LARP4B: variants seen among roughly 807,000 people sequenced by gnomAD.
LARP4B encodes la-related protein 4B.
LARP4B carries 12 observed loss-of-function variants against 89.8 expected under a neutral mutation model. The observed-to-expected ratio is 0.13, with a 90% CI of 0.09 to 0.22. The LOEUF is 0.22. Among genes scored for constraint, LARP4B ranks in the 10% least tolerant of loss-of-function variants. The pLI is 1.00. For missense variants in LARP4B, 757 were observed against 947.7 expected (o/e 0.80, Z 2.64); for synonymous variants, 367 against 363.3 (o/e 1.01, Z -0.12).
rs2131592021 is a variant in LARP4B, at chr10:814,161, T to C, written c.1929+581A>G. 6.6e-6 allele frequency among the ~76,000 whole-genome samples: 1 copy of C among 151,694 alleles called. No individual in the cohort carries two copies. Among genetic ancestry groups the C allele is most frequent in the Non-Finnish European group, 1.5e-5 (1 of 67,996 alleles). ...TTAATTTTAACCTATAAAAAATCCT[T>C]TTTTAGACTCAGCCCAGGGGACAGT... is the stretch of plus-strand genomic sequence containing the variant. On this transcript the variant is annotated intron_variant, in intron 17 of 17. Transcript: ENST00000316157. The surrounding 1 kb of genome is among the most constrained non-coding windows in gnomAD (Gnocchi z 4.4).
chr10:982,956 T>C, the LARP4B span, among the ~76,000 whole-genome samples: 39 of 152,336 alleles, frequency 2.6e-4, no homozygotes, highest in South Asian at 7.9e-3. Context: ...TACTGATGCT[T>C]TAATGGAGTT....
chr10:857,095 G>A (rs149992298), intron 5 of LARP4B, among the ~76,000 whole-genome samples: 14 of 152,176 alleles, frequency 9.2e-5, no homozygotes, highest in East Asian at 3.9e-4. Flanking sequence ...CACCCAGCAC[G>A]TCACAGCTGG....
At chr10:981,104 C>T in the LARP4B span, among the ~76,000 whole-genome samples, 11 of 152,242 alleles carry the variant, frequency 7.2e-5, no homozygotes, top group South Asian at 2.1e-4. Flanking sequence ...CCCCAGGGCA[C>T]GACTAGAATG....
chr10:954,128 C>T, the LARP4B span, among the ~76,000 whole-genome samples: 1 of 152,240 alleles, frequency 6.6e-6, no homozygotes. This position sits in a 1 kb window ranked among gnomAD's most constrained non-coding sequence, Gnocchi z 5.0. Context: ...CAGGCTGGAT[C>T]TCCGTGGCCT....
the LARP4B span, among the ~76,000 whole-genome samples, chr10:977,869 T>C: frequency 1.3e-5 from 2 of 152,038 alleles, no homozygotes; most frequent in Admixed American, 1.3e-4. Context: ...GATGACTACA[T>C]ACAAAGACCC....
intron 5 of LARP4B, among the ~76,000 whole-genome samples, chr10:859,777 G>A (rs1403875274): frequency 1.3e-5 from 2 of 151,536 alleles, no homozygotes; most frequent in African/African-American, 4.9e-5. Context: ...ACCTATCTAA[G>A]AAGGCTACAT....
chr10:807,226 C>T (rs1387718554), downstream of LARP4B: 1 of 152,170 alleles, frequency 6.6e-6, no homozygotes, highest in African/African-American at 2.4e-5. Flanking sequence ...GGAGTATGTC[C>T]CGTTAGGACA....
chr10:889,606 G>A (rs1182327421), intron 1 of LARP4B, among the ~76,000 whole-genome samples: 1 of 152,204 alleles, frequency 6.6e-6, no homozygotes, highest in Non-Finnish European at 1.5e-5. Context: ...GGTTCTTCAT[G>A]AAGCATTTAC....
the LARP4B span, among the ~76,000 whole-genome samples, chr10:968,939 T>A: frequency 1.3e-5 from 2 of 152,354 alleles, no homozygotes; most frequent in Non-Finnish European, 2.9e-5. Flanking sequence ...CTTTATTCAT[T>A]GTGCATTCCC....
the LARP4B span, among the ~76,000 whole-genome samples, chr10:979,926 G>A: frequency 1.2e-4 from 18 of 152,238 alleles, no homozygotes; most frequent in African/African-American, 3.4e-4. Context: ...AGCTGAGATC[G>A]CACCACTGTA....
chr10:918,550 C>T (rs2132040056), intron 1 of LARP4B, among the ~76,000 whole-genome samples: 1 of 148,562 alleles, frequency 6.7e-6, no homozygotes, highest in Admixed American at 6.9e-5. Flanking sequence ...GGGAGGACCG[C>T]TTGAGACTGG....
At chr10:903,917 T>C (rs1211591283) in intron 1 of LARP4B, among the ~76,000 whole-genome samples, 1 of 152,144 alleles carries the variant, frequency 6.6e-6, no homozygotes, top group East Asian at 1.9e-4. Context: ...GAAGGCATAT[T>C]TGTCCCTAAC....
the LARP4B span, among the ~76,000 whole-genome samples, chr10:962,461 C>T: frequency 8.5e-5 from 13 of 152,192 alleles, no homozygotes; most frequent in African/African-American, 3.1e-4. Context: ...CAACTCAGTC[C>T]GTAAGAGTGC....
intron 13 of LARP4B, among the ~76,000 whole-genome samples, chr10:823,726 T>G (rs1368992410): frequency 6.6e-6 from 1 of 151,714 alleles, no homozygotes; most frequent in Non-Finnish European, 1.5e-5. Flanking sequence ...CCCTCCTCCC[T>G]CCAAGCGTCT....
chr10:894,985 G>A (rs1479767928), intron 1 of LARP4B, among the ~76,000 whole-genome samples: 2 of 152,026 alleles, frequency 1.3e-5, no homozygotes, highest in African/African-American at 2.4e-5. Context: ...AGGAGTTTGC[G>A]ACCAGCCTCG....
At chr10:934,999 G>C (rs560740646), upstream of LARP4B, among the ~76,000 whole-genome samples, 1 of 152,152 alleles carries the variant, frequency 6.6e-6, no homozygotes, top group African/African-American at 2.4e-5. Context: ...CTGCCCAGGA[G>C]GATAAAGTCC....
the LARP4B span, among the ~76,000 whole-genome samples, chr10:938,036 C>T: frequency 6.6e-6 from 1 of 151,404 alleles, no homozygotes; most frequent in African/African-American, 2.4e-5. Context: ...AGGCACGCAC[C>T]ACCACACCTG....
chr10:881,581 C>A (rs944765648), intron 3 of LARP4B, among the ~76,000 whole-genome samples: 1 of 152,212 alleles, frequency 6.6e-6, no homozygotes, highest in Non-Finnish European at 1.5e-5. Context: ...AGTTTCATCA[C>A]TGTCCCTGCC....
At chr10:887,021 G>A (rs1202733414) in intron 1 of LARP4B, among the ~76,000 whole-genome samples, 1 of 151,968 alleles carries the variant, frequency 6.6e-6, no homozygotes, top group Admixed American at 6.6e-5. Flanking sequence ...CGGGAAGCAG[G>A]GGTTGCAGTG....
Sources: gnomAD v4.1 joint callset for allele counts (sites outside exome capture counted in the v4.1 genomes callset) on GRCh38, gnomAD v4.1.1 for gene constraint, Gnocchi (gnomAD v3.1) non-coding constraint, MANE v1.5 for transcripts, NCBI Gene and HGNC (gene_info 2026-07-23, HGNC 2026-07-21) for gene names.